RASSF8: variants seen among roughly 807,000 people sequenced by gnomAD.
RASSF8 encodes Ras association domain family member 8.
Under a neutral mutation model 48.5 loss-of-function variants are expected in RASSF8, and 22 were observed. The ratio of observed to expected loss-of-function variants is 0.45; its 90% CI spans 0.32 to 0.65. RASSF8 has a LOEUF of 0.65. Ranked by LOEUF, RASSF8 falls within the 30% of genes least tolerant of loss-of-function variation. The probability of loss-of-function intolerance (pLI) is 0.03; values close to 1 mark genes in which losing one functional copy is unlikely to be tolerated. For missense variants in RASSF8, 418 were observed against 489.2 expected, an observed-to-expected ratio of 0.85 and a Z score of 1.37; for synonymous variants, 127 against 171.5, an observed-to-expected ratio of 0.74 and a Z score of 2.03.
chr12:26,077,173 A>G (rs1440160184), downstream of RASSF8, among the ~76,000 whole-genome samples: 1 of 152,184 alleles, frequency 6.6e-6, no homozygotes, highest in African/African-American at 2.4e-5. Context: ...CCTTTGTCAG[A>G]TGGGTAGATT....
rs1380297127 is a variant in RASSF8 at position 26,020,031 on chromosome 12, T to C, written c.-109+24901T>C. The C allele has an allele frequency of 7.2e-5, 11 of 152,118 alleles. No individual in the cohort carries two copies. In the East Asian group the frequency reaches 1.9e-3, roughly 27 times the overall value. The allele number at this position is 152,118 out of a possible 1,614,324, so 9.4% of individuals were successfully genotyped here. ...ACATTTGGTGTATATCTCAAGTAAA[T>C]TCTTGTCACCTTTTATGGCAAAATA... On this transcript the variant is annotated intron_variant, in intron 2 of 5. Transcript: ENST00000689635.
chr12:26,021,634 C>G (rs1221804849), intron 2 of RASSF8: 1 of 152,244 alleles, frequency 6.6e-6, no homozygotes, highest in Non-Finnish European at 1.5e-5. Context: ...ATTGCCCTCA[C>G]CCCACCTTGC....
At chr12:26,009,402 T>A (rs1942469552) in intron 2 of RASSF8, among the ~76,000 whole-genome samples, 2 of 152,182 alleles carry the variant, frequency 1.3e-5, no homozygotes, top group Admixed American at 1.3e-4. Context: ...TTTTTGGTTG[T>A]CACAATGATG....
intron 4 of RASSF8, among the ~76,000 whole-genome samples, chr12:26,066,010 A>G (rs986197461): frequency 2.6e-5 from 4 of 152,232 alleles, no homozygotes; most frequent in African/African-American, 9.6e-5. Context: ...AGTTGCAAAG[A>G]TGTATCAAAC....
At position 26,048,977 on chromosome 12, in the gene RASSF8, C is replaced by T. The variant is rs7133628; in HGVS notation, c.-108-6259C>T. ...TTCACCATATTGGCCAGGCCGGTCT[C>T]GAACTCCTGACCTCAGGTGATCCGC... On this transcript the variant is annotated intron_variant, in intron 2 of 5. Transcript: ENST00000689635. 8.6e-3 allele frequency among the ~76,000 whole-genome samples: 1,310 copies of T among 152,182 alleles called. 19 individuals are homozygous for T. Among genetic ancestry groups the T allele is most frequent in the African/African-American group, 0.03 (1,244 of 41,516 alleles).
chr12:26,056,756 A>G (rs372829556), intron 3 of RASSF8, among the ~76,000 whole-genome samples: 4 of 152,336 alleles, frequency 2.6e-5, no homozygotes, highest in South Asian at 4.1e-4. Context: ...CTGGGCTTTC[A>G]CATCCGGTGA....
At chr12:25,976,792 T>C (rs1941616882) in intron 1 of RASSF8, among the ~76,000 whole-genome samples, 1 of 152,216 alleles carries the variant, frequency 6.6e-6, no homozygotes, top group Non-Finnish European at 1.5e-5. Flanking sequence ...GTCACGACCC[T>C]CTACCGGTGA....
intron 1 of RASSF8, among the ~76,000 whole-genome samples, chr12:25,964,350 G>A (rs1006169172): frequency 3.3e-5 from 5 of 151,450 alleles, no homozygotes; most frequent in Non-Finnish European, 5.9e-5. Flanking sequence ...GAACTGTAGG[G>A]CTGTCCAAAT....
chr12:26,071,511 T>A lies in RASSF8; in HGVS notation c.*2693T>A. The A allele has an allele frequency of 1.0e-6, 1 of 967,458 alleles. No individual in the cohort carries two copies. The highest frequency in any genetic ancestry group is 1.2e-6 in the Non-Finnish European group (1 of 813,544). 59.9% of individuals were successfully genotyped at this position (967,458 alleles called of 1,614,324 possible). A position where few individuals can be genotyped will look rare whatever the true frequency, so the allele number is the denominator to read the frequency against. On this transcript the variant is annotated 3_prime_UTR_variant, in exon 6 of 6. Coordinates refer to ENST00000689635, the MANE Select transcript of RASSF8 (RefSeq NM_001394098.1). ...ACCAAGAAATAATTTGGAATAGCAT[T>A]GGTATATTTGACCTTTTGAGTGTCT...
chr12:26,053,248 T>C (rs1943532365), intron 2 of RASSF8, among the ~76,000 whole-genome samples: 1 of 152,042 alleles, frequency 6.6e-6, no homozygotes, highest in South Asian at 2.1e-4. Flanking sequence ...GCAGGGGGGC[T>C]TTAATGAGAT....
chr12:26,046,189 A>G (rs532288889), intron 2 of RASSF8, among the ~76,000 whole-genome samples: 1 of 152,294 alleles, frequency 6.6e-6, no homozygotes, highest in African/African-American at 2.4e-5. Context: ...AATTGACTAA[A>G]TTTATATCAT....
intron 1 of RASSF8, among the ~76,000 whole-genome samples, chr12:25,992,858 G>A (rs951243382): frequency 2.6e-5 from 4 of 152,292 alleles, no homozygotes; most frequent in South Asian, 2.1e-4. Flanking sequence ...TGTATTTATG[G>A]TTAGGAACAT....
chr12:26,077,486 G>T (rs1270806300), downstream of RASSF8, among the ~76,000 whole-genome samples: 2 of 152,138 alleles, frequency 1.3e-5, no homozygotes, highest in Non-Finnish European at 2.9e-5. Context: ...CATATGGCTA[G>T]CCAGTTTTCC....
Position 25,988,707 on chromosome 12 carries a change from C to T in RASSF8, c.-202-6330C>T, listed in dbSNP as rs564356751. Among the ~76,000 whole-genome samples the T allele has an allele frequency of 4.6e-5, 7 of 152,278 alleles. No homozygotes were observed. In the East Asian group the frequency reaches 1.4e-3, roughly 29 times the overall value. ...GAAATTCCTGCTTTATCAGGAACCC[C>T]TCCTGGCCTTCCTCTGGTTCTCATT... On this transcript the variant is annotated intron_variant, in intron 1 of 5. Transcript: ENST00000689635.
chr12:25,967,928 A>T (rs1331157711), intron 1 of RASSF8, among the ~76,000 whole-genome samples: 1 of 152,226 alleles, frequency 6.6e-6, no homozygotes, highest in African/African-American at 2.4e-5. Context: ...CTCACCATGC[A>T]CACCCTGGAT....
intron 2 of RASSF8, among the ~76,000 whole-genome samples, chr12:26,038,191 T>C (rs1943191676): frequency 6.6e-6 from 1 of 152,188 alleles, no homozygotes; most frequent in African/African-American, 2.4e-5. Flanking sequence ...TTTTGTACTT[T>C]TATTCTTAGA....
chr12:26,018,379 A>G (rs1325443438), intron 2 of RASSF8, among the ~76,000 whole-genome samples: 1 of 152,090 alleles, frequency 6.6e-6, no homozygotes, highest in Non-Finnish European at 1.5e-5. Context: ...AATTCTTTAC[A>G]TTATATAACT....
intron 2 of RASSF8, among the ~76,000 whole-genome samples, chr12:26,051,547 A>G (rs1262413147): frequency 6.6e-6 from 1 of 152,206 alleles, no homozygotes; most frequent in Non-Finnish European, 1.5e-5. Context: ...AATAAGTATA[A>G]ATATTGGCAG....
At position 26,064,592 on chromosome 12, in the gene RASSF8, G is replaced by A; in HGVS notation, c.198G>A (p.Trp66Ter). 1 of 1,614,056 alleles carries A rather than the reference G, an allele frequency of 6.2e-7. No homozygotes were observed. ...HENPIISLNK[W>*]GQYASDVQLI... ...ATCCTATCATATCCTTAAACAAATG[G>A]GGGCAGTATGCTAGTGATGTGCAGC... The change falls in exon 4 of 6, where the codon TGG (tryptophan) becomes TGA (stop). Residue 66 changes from tryptophan to a stop codon, truncating the protein, a stop_gained. Transcript: ENST00000689635. LOFTEE classifies it high-confidence loss of function.
Sources: allele counts gnomAD v4.1 joint callset (sites outside exome capture counted in the v4.1 genomes callset), GRCh38; gene constraint gnomAD v4.1.1; transcripts MANE v1.5; gene names NCBI Gene and HGNC (gene_info 2026-07-23, HGNC 2026-07-21).